MGMT: variants seen among roughly 807,000 people sequenced by gnomAD.
MGMT encodes the protein methylated-DNA--protein-cysteine methyltransferase.
MGMT carries 14 observed loss-of-function variants against 15.9 expected under a neutral mutation model. The ratio of observed to expected loss-of-function variants is 0.88; its 90% CI spans 0.58 to 1.37. The LOEUF is 1.37. Ranked by LOEUF, MGMT falls within the 40% of genes most tolerant of loss-of-function variation. The pLI is 0.00. For synonymous variants in MGMT, 130 were observed against 118.2 expected (o/e 1.10, Z -0.65); for missense variants, 282 against 268.1 (o/e 1.05, Z -0.36).
chr10:129,728,597 T>C (rs1848460291), intron 3 of MGMT, among the ~76,000 whole-genome samples: 1 of 152,110 alleles, frequency 6.6e-6, no homozygotes, highest in South Asian at 2.1e-4. Flanking sequence ...TCCCTGGCTC[T>C]TGCCCATGCC....
At chr10:129,473,020 C>T (rs1172573771) in intron 1 of MGMT, among the ~76,000 whole-genome samples, 2 of 152,160 alleles carry the variant, frequency 1.3e-5, no homozygotes, top group Non-Finnish European at 2.9e-5. Context: ...GGCAGGTGGG[C>T]TTCATGTGTG....
At chr10:129,563,718 T>C (rs141668407) in intron 2 of MGMT, 17 of 152,204 alleles carry the variant, frequency 1.1e-4, no homozygotes, top group African/African-American at 4.1e-4. Context: ...AGTACTGCAA[T>C]ACAATTAAAT....
At chr10:129,674,998 G>A (rs1018460696) in intron 2 of MGMT, among the ~76,000 whole-genome samples, 4 of 152,218 alleles carry the variant, frequency 2.6e-5, no homozygotes, top group Non-Finnish European at 5.9e-5. Context: ...ATCAGAGTCA[G>A]AGGAGGCTTC....
At chr10:129,593,566 C>T (rs757948449) in intron 2 of MGMT, among the ~76,000 whole-genome samples, 2 of 152,224 alleles carry the variant, frequency 1.3e-5, no homozygotes, top group African/African-American at 4.8e-5. Context: ...AGTCATATCA[C>T]GTCCCCTTCT....
chr10:129,640,379 A>C (rs929694166), intron 2 of MGMT, among the ~76,000 whole-genome samples: 1 of 152,242 alleles, frequency 6.6e-6, no homozygotes, highest in Admixed American at 6.5e-5. Flanking sequence ...TATAGGCGTG[A>C]GCCACTGTGC....
chr10:129,742,969 G>A (rs1848653103), intron 3 of MGMT, among the ~76,000 whole-genome samples: 1 of 151,424 alleles, frequency 6.6e-6, no homozygotes, highest in South Asian at 2.1e-4. Flanking sequence ...ATGGCAACTT[G>A]ATGCTTAGCC....
chr10:129,705,766 C>T (rs1196016204), intron 2 of MGMT, among the ~76,000 whole-genome samples: 3 of 152,290 alleles, frequency 2.0e-5, no homozygotes, highest in Admixed American at 2.0e-4. Context: ...TCCTCCTGGA[C>T]ACCAGCGGTA....
chr10:129,663,166 G>T (rs772498368), intron 2 of MGMT, among the ~76,000 whole-genome samples: 3 of 152,132 alleles, frequency 2.0e-5, no homozygotes, highest in Non-Finnish European at 4.4e-5. Context: ...TTTCATAAAA[G>T]AATTGTTACA....
chr10:129,608,756 G>T (rs761178542), intron 2 of MGMT, among the ~76,000 whole-genome samples: 1 of 152,204 alleles, frequency 6.6e-6, no homozygotes, highest in South Asian at 2.1e-4. Context: ...TTTGGGAGGG[G>T]AGATGTGGAG....
chr10:129,524,935 C>T (rs1415169880), intron 1 of MGMT, among the ~76,000 whole-genome samples: 2 of 152,154 alleles, frequency 1.3e-5, no homozygotes, highest in African/African-American at 4.8e-5. Flanking sequence ...TCTGGTATCA[C>T]AAACCAATTG....
chr10:129,546,580 TG>T (rs1485041584), intron 2 of MGMT, among the ~76,000 whole-genome samples: 3 of 152,128 alleles, frequency 2.0e-5, no homozygotes, highest in African/African-American at 7.2e-5. Context: ...TGGGTGGCCA[TG>T]AAGAGCTACC....
chr10:129,477,756 G>T (rs929524748), intron 1 of MGMT, among the ~76,000 whole-genome samples: 1 of 152,132 alleles, frequency 6.6e-6, no homozygotes, highest in African/African-American at 2.4e-5. Context: ...CCCCCAGTCT[G>T]GTATTTTGTT....
intron 4 of MGMT, among the ~76,000 whole-genome samples, chr10:129,763,527 G>A (rs879469249): frequency 6.6e-6 from 1 of 152,144 alleles, no homozygotes; most frequent in Non-Finnish European, 1.5e-5. Flanking sequence ...ACAGGAAGAG[G>A]GAGAGGGAGA....
intron 2 of MGMT, among the ~76,000 whole-genome samples, chr10:129,676,385 G>A (rs557966269): frequency 7.9e-4 from 121 of 152,344 alleles, no homozygotes; most frequent in African/African-American, 2.6e-3. Flanking sequence ...GGGCCATGGG[G>A]ATGACTGCGG....
chr10:129,617,039 G>A (rs1019773701), intron 2 of MGMT, among the ~76,000 whole-genome samples: 1 of 152,120 alleles, frequency 6.6e-6, no homozygotes, highest in Admixed American at 6.5e-5. Context: ...CTATCACAGG[G>A]GTTTTGTGTG....
chr10:129,608,424 A>T (rs1411025364), intron 2 of MGMT, among the ~76,000 whole-genome samples: 1 of 152,228 alleles, frequency 6.6e-6, no homozygotes, highest in Non-Finnish European at 1.5e-5. Flanking sequence ...GAACCTTTCC[A>T]CTTTCACCCA....
At chr10:129,607,205 C>T (rs1008371200) in intron 2 of MGMT, among the ~76,000 whole-genome samples, 3 of 151,666 alleles carry the variant, frequency 2.0e-5, no homozygotes, top group African/African-American at 4.8e-5. Flanking sequence ...ATCAGAACCA[C>T]GCGTAAATCC....
chr10:129,542,049 C>G (rs1375635625), intron 2 of MGMT, among the ~76,000 whole-genome samples: 1 of 152,174 alleles, frequency 6.6e-6, no homozygotes, highest in Non-Finnish European at 1.5e-5. Context: ...CTGTGTTGAA[C>G]CTGGGAGGAG....
In MGMT at chr10:129,748,003, G is replaced by C. The variant is rs147432847; in HGVS notation, c.275-11199G>C. 8.6e-4 allele frequency among the ~76,000 whole-genome samples: 131 copies of C among 152,254 alleles called. 1 individual carries two copies. The highest frequency in any genetic ancestry group is 3.1e-3 in the African/African-American group (129 of 41,540). ...GCTGTCAGTGTCATTTATCATTGTT[G>C]ATGTCAACTTTGATTACCTGGCTGG... On this transcript the variant is annotated intron_variant, in intron 3 of 4. Coordinates refer to ENST00000651593, the MANE Select transcript of MGMT (RefSeq NM_002412.5).
Sources: allele counts gnomAD v4.1 joint callset (sites outside exome capture counted in the v4.1 genomes callset), GRCh38; gene constraint gnomAD v4.1.1; transcripts MANE v1.5; gene names NCBI Gene and HGNC (gene_info 2026-07-23, HGNC 2026-07-21).